Variants in GMEB1 observed in about 807,000 individuals in gnomAD.
GMEB1 encodes glucocorticoid modulatory element-binding protein 1.
In GMEB1, 6 loss-of-function variants were observed where a neutral mutation model predicts 52.4. The observed-to-expected ratio is 0.11, with a 90% confidence interval of 0.06 to 0.23. GMEB1 has a LOEUF of 0.23. GMEB1 is among the 10% of genes least tolerant of loss of function. GMEB1 has a pLI of 1.00. For missense variants in GMEB1, 486 were observed against 685.6 expected (o/e 0.71, Z 3.25); for synonymous variants, 255 against 244.9 (o/e 1.04, Z -0.38).
At chr1:28,708,324 C>G (rs1349053232) in intron 8 of GMEB1, among the ~76,000 whole-genome samples, 2 of 152,060 alleles carry the variant, frequency 1.3e-5, no homozygotes, top group African/African-American at 4.8e-5. Flanking sequence ...GCCACCACTC[C>G]TGGCTAATTT....
At chr1:28,696,681 G>C (rs1250378155) in intron 5 of GMEB1, among the ~76,000 whole-genome samples, 1 of 151,996 alleles carries the variant, frequency 6.6e-6, no homozygotes, top group Non-Finnish European at 1.5e-5. Flanking sequence ...AGTGGCACCA[G>C]ATCTTGCTGC....
chr1:28,716,923 AG>A lies in GMEB1; in HGVS notation c.*2153del, dbSNP rs1671289808. ...TGCACTAGGAAAAATATAGAGATAC[AG>A]GGAAACTACAGACAAATTTAAGGAA... On this transcript the variant is annotated 3_prime_UTR_variant, in exon 10 of 10. Coordinates refer to ENST00000373816, the MANE Select transcript of GMEB1 (RefSeq NM_001319674.2). The A allele has an allele frequency of 6.6e-6, 1 of 152,174 alleles. No individual in the cohort carries two copies. Among genetic ancestry groups the A allele is most frequent in the African/African-American group, 2.4e-5 (1 of 41,446 alleles). The allele number at this position is 152,174 out of a possible 1,614,324, so 9.4% of individuals were successfully genotyped here.
At chr1:28,674,684 C>T (rs1278207813) in intron 1 of GMEB1, among the ~76,000 whole-genome samples, 4 of 149,354 alleles carry the variant, frequency 2.7e-5, no homozygotes, top group Admixed American at 2.0e-4. Flanking sequence ...TGTGGGCCAC[C>T]GTGCCCGGCC....
intron 9 of GMEB1, 105 bp downstream of exon 9, chr1:28,710,747 T>A: frequency 1.4e-6 from 1 of 706,090 alleles, no homozygotes; most frequent in Non-Finnish European, 2.1e-6. Flanking sequence ...TTTTAAATAG[T>A]ATCAGATTTT....
chr1:28,671,183 G>A (rs1303068743), intron 1 of GMEB1, among the ~76,000 whole-genome samples: 1 of 152,200 alleles, frequency 6.6e-6, no homozygotes, highest in Non-Finnish European at 1.5e-5. Context: ...ATATCAAGGA[G>A]TTTTGGCCTC....
upstream of GMEB1, among the ~76,000 whole-genome samples, chr1:28,668,553 G>A (rs1188948482): frequency 6.6e-6 from 1 of 152,046 alleles, no homozygotes; most frequent in Non-Finnish European, 1.5e-5. Flanking sequence ...CTATGAGTGC[G>A]GGAAGGAGAG....
At chr1:28,707,566 G>C (rs1284332533) in intron 8 of GMEB1, among the ~76,000 whole-genome samples, 1 of 152,146 alleles carries the variant, frequency 6.6e-6, no homozygotes, top group Admixed American at 6.6e-5. Context: ...GAAAGATACC[G>C]GGATGATTCA....
chr1:28,701,012 TG>T (rs1670482825), intron 6 of GMEB1, among the ~76,000 whole-genome samples: 1 of 152,108 alleles, frequency 6.6e-6, no homozygotes, highest in South Asian at 2.1e-4. Flanking sequence ...TTTTACTTTT[TG>T]TATATATGGG....
intron 1 of GMEB1, among the ~76,000 whole-genome samples, chr1:28,673,136 C>G (rs140610564): frequency 1.4e-3 from 218 of 152,276 alleles, no homozygotes; most frequent in Middle Eastern, 0.01. Context: ...TCAGGTGATC[C>G]GCCTGCCTCG....
chr1:28,669,335 G>A (rs1323867919), intron 1 of GMEB1, among the ~76,000 whole-genome samples: 1 of 152,098 alleles, frequency 6.6e-6, no homozygotes, highest in African/African-American at 2.4e-5. Context: ...CCTTGGATGA[G>A]GAGCTGGTTG....
At chr1:28,705,503 G>A (rs1670710652) in intron 8 of GMEB1, among the ~76,000 whole-genome samples, 1 of 146,248 alleles carries the variant, frequency 6.8e-6, no homozygotes, top group South Asian at 2.2e-4. Context: ...AGGCTGGAGT[G>A]CAGTGGCGTG....
At chr1:28,681,363 G>A (rs889938955) in intron 1 of GMEB1, among the ~76,000 whole-genome samples, 3 of 152,136 alleles carry the variant, frequency 2.0e-5, no homozygotes, top group East Asian at 1.9e-4. Context: ...GCGAGACCGC[G>A]TCTCAAAAAA....
chr1:28,671,467 C>T (rs573730814), intron 1 of GMEB1, among the ~76,000 whole-genome samples: 1 of 152,120 alleles, frequency 6.6e-6, no homozygotes, highest in Non-Finnish European at 1.5e-5. Context: ...GTAATGCCAG[C>T]ACTGTGGGAG....
intron 6 of GMEB1, among the ~76,000 whole-genome samples, chr1:28,698,657 A>T (rs563084882): frequency 2.0e-5 from 3 of 149,748 alleles, no homozygotes; most frequent in African/African-American, 7.3e-5. Context: ...CCTGGGCGAC[A>T]AAGCGAGACT....
intron 9 of GMEB1, among the ~76,000 whole-genome samples, chr1:28,711,489 T>G (rs1227598378): frequency 1.3e-5 from 2 of 152,188 alleles, no homozygotes; most frequent in East Asian, 3.8e-4. Context: ...GGTCTCACTC[T>G]GTCACTGAGG....
chr1:28,708,201 A>G (rs184975150), intron 8 of GMEB1, among the ~76,000 whole-genome samples: 14 of 151,558 alleles, frequency 9.2e-5, no homozygotes, highest in East Asian at 5.8e-4. Flanking sequence ...ACCTCGCTCT[A>G]TCACCCAGGC....
rs1671308981 is a variant in GMEB1 at position 28,717,629 on chromosome 1, A to C, written c.*2856A>C. The C allele has an allele frequency of 6.6e-6, 1 of 152,206 alleles. No homozygotes were observed. Among genetic ancestry groups the C allele is most frequent in the African/African-American group, 2.4e-5 (1 of 41,452 alleles). The allele number at this position is 152,206 out of a possible 1,614,324, so 9.4% of individuals were successfully genotyped here. On this transcript the variant is annotated 3_prime_UTR_variant, in exon 10 of 10. Coordinates refer to ENST00000373816, the MANE Select transcript of GMEB1 (RefSeq NM_001319674.2). ...AATTTAGAACAAATATTTGGCCCTT[A>C]ATATATCTTTAGTGAGGGAAGTAGC... is the stretch of plus-strand genomic sequence containing the variant.
intron 1 of GMEB1, among the ~76,000 whole-genome samples, chr1:28,674,175 A>G (rs1278452059): frequency 6.6e-6 from 1 of 151,620 alleles, no homozygotes; most frequent in East Asian, 1.9e-4. Context: ...GTTAATGAAA[A>G]AAAGGAAAAC....
At chr1:28,702,402 A>T (rs2306476) in intron 6 of GMEB1, 36 bp from the exon 7 acceptor site, 2 of 1,591,576 alleles carry the variant, frequency 1.3e-6, no homozygotes, top group African/African-American at 1.3e-5. Flanking sequence ...TTTTTCGTTA[A>T]ATTCACTGTT....
Sources: allele counts gnomAD v4.1 joint callset (sites outside exome capture counted in the v4.1 genomes callset), GRCh38; gene constraint gnomAD v4.1.1; transcripts MANE v1.5; gene names NCBI Gene and HGNC (gene_info 2026-07-23, HGNC 2026-07-21).